ASIC2: variants seen among roughly 807,000 people sequenced by gnomAD.
The protein encoded by ASIC2 is acid-sensing ion channel 2.
In ASIC2, 25 loss-of-function variants were observed where a neutral mutation model predicts 57.3. That is an observed-to-expected ratio of 0.44 (90% CI 0.32 to 0.61). The LOEUF (loss-of-function observed/expected upper bound fraction) is 0.61. Ranked by LOEUF, ASIC2 falls within the 20% of genes least tolerant of loss-of-function variation. The probability of loss-of-function intolerance (pLI) is 0.06; values close to 1 mark genes in which losing one functional copy is unlikely to be tolerated. For missense variants in ASIC2, 641 were observed against 738.1 expected (o/e 0.87, Z 1.52); for synonymous variants, 319 against 307.5 (o/e 1.04, Z -0.39).
At chr17:33,965,967 C>G (rs116283185) in intron 1 of ASIC2, among the ~76,000 whole-genome samples, 364 of 152,308 alleles carry the variant, frequency 2.4e-3, no homozygotes, top group African/African-American at 8.1e-3. Flanking sequence ...CCTATGCTCT[C>G]CTCCTCCTCT....
intron 1 of ASIC2, among the ~76,000 whole-genome samples, chr17:33,326,222 G>C (rs539124146): frequency 6.6e-6 from 1 of 152,262 alleles, no homozygotes; most frequent in South Asian, 2.1e-4. Context: ...AACCCTATGA[G>C]GTAAACAGAG....
chr17:34,045,613 TC>T (rs1161860642), intron 1 of ASIC2, among the ~76,000 whole-genome samples: 2 of 152,184 alleles, frequency 1.3e-5, no homozygotes, highest in African/African-American at 4.8e-5. Context: ...TGCATGGACT[TC>T]TGTTTAGTCT....
chr17:33,419,845 A>C (rs552881763), intron 1 of ASIC2, among the ~76,000 whole-genome samples: 1 of 152,334 alleles, frequency 6.6e-6, no homozygotes, highest in South Asian at 2.1e-4. Flanking sequence ...CGTGTTGATG[A>C]AACTATCTTT....
At chr17:33,325,487 C>T (rs1443790432) in intron 1 of ASIC2, among the ~76,000 whole-genome samples, 5 of 152,098 alleles carry the variant, frequency 3.3e-5, no homozygotes, top group African/African-American at 1.2e-4. Context: ...GAAGGCCTGA[C>T]TGGCTGAAGG....
rs201422408 is a variant in ASIC2 at position 33,067,139 on chromosome 17, TC to T, written c.987+21723del. Among the ~76,000 whole-genome samples the T allele has an allele frequency of 7.2e-3, 901 of 124,668 alleles. 9 individuals carry two copies. The highest frequency in any genetic ancestry group is 0.022 in the African/African-American group (850 of 39,222). 81.8% of individuals were successfully genotyped at this position (124,668 alleles called of 152,430 possible). ...ACAATTCTAATGGCCAAAATAGAGTTCTTGCAGATAAATAATGGGGCCAACT... is the reference window on the plus strand; with the variant it reads ...ACAATTCTAATGGCCAAAATAGAGTTTTGCAGATAAATAATGGGGCCAACT... On this transcript the variant is annotated intron_variant, in intron 3 of 9. Transcript: ENST00000225823.
At chr17:33,610,675 G>A (rs2142015335) in intron 1 of ASIC2, among the ~76,000 whole-genome samples, 1 of 151,428 alleles carries the variant, frequency 6.6e-6, no homozygotes, top group South Asian at 2.1e-4. Context: ...ACCAGCCTGG[G>A]CAACAAAAAG....
intron 1 of ASIC2, among the ~76,000 whole-genome samples, chr17:33,646,352 G>C (rs2142036555): frequency 6.6e-6 from 1 of 152,296 alleles, no homozygotes; most frequent in East Asian, 1.9e-4. Flanking sequence ...CCTTATTTGA[G>C]GGAAGGAAGA....
intron 1 of ASIC2, among the ~76,000 whole-genome samples, chr17:33,532,796 G>A (rs555439216): frequency 9.8e-5 from 15 of 152,314 alleles, no homozygotes; most frequent in African/African-American, 3.6e-4. Flanking sequence ...ATCGATACAA[G>A]TCTGCAGAGA....
intron 1 of ASIC2, among the ~76,000 whole-genome samples, chr17:33,128,510 C>A (rs114036925): frequency 6.6e-6 from 1 of 152,144 alleles, no homozygotes; most frequent in Non-Finnish European, 1.5e-5. Flanking sequence ...CCACACCCAC[C>A]GATCACACCC....
chr17:33,181,129 G>A (rs1905967436), intron 1 of ASIC2, among the ~76,000 whole-genome samples: 1 of 152,154 alleles, frequency 6.6e-6, no homozygotes, highest in South Asian at 2.1e-4. Context: ...TAGTCAAAAT[G>A]TCAGGCAGCT....
At chr17:33,695,587 C>T (rs1567691222) in intron 1 of ASIC2, among the ~76,000 whole-genome samples, 1 of 152,216 alleles carries the variant, frequency 6.6e-6, no homozygotes, top group Non-Finnish European at 1.5e-5. Context: ...CAGAAGGTCC[C>T]ATTTCCTGGG....
chr17:34,060,152 A>G (rs1908920019), intron 1 of ASIC2, among the ~76,000 whole-genome samples: 1 of 152,190 alleles, frequency 6.6e-6, no homozygotes. Context: ...AGACCCATAG[A>G]TGGTTCACAT....
intron 1 of ASIC2, among the ~76,000 whole-genome samples, chr17:33,399,957 C>T (rs144940458): frequency 6.6e-6 from 1 of 152,258 alleles, no homozygotes; most frequent in Non-Finnish European, 1.5e-5. Flanking sequence ...AGTTAACTTC[C>T]CAAGAAATTT....
chr17:33,391,516 G>A (rs1034485682), intron 1 of ASIC2, among the ~76,000 whole-genome samples: 27 of 152,192 alleles, frequency 1.8e-4, no homozygotes, highest in Non-Finnish European at 3.4e-4. Context: ...CAATATCCCA[G>A]AGACTCAGTT....
At position 33,455,782 on chromosome 17, in the gene ASIC2, C is replaced by T. The variant is rs575665280; in HGVS notation, c.556-343715G>A. 3.9e-4 allele frequency among the ~76,000 whole-genome samples: 59 copies of T among 152,260 alleles called. 1 individual carries two copies. Among genetic ancestry groups the T allele is most frequent in the Admixed American group, 2.2e-3 (33 of 15,300 alleles). On this transcript the variant is annotated intron_variant, in intron 1 of 9. Coordinates refer to the ASIC2 transcript ENST00000359872. ...TTACATCTCAAAAGCCCCAGATAGCCGGGAATATCTGAAGGACTGACTAGA... is the reference window on the plus strand; with the variant it reads ...TTACATCTCAAAAGCCCCAGATAGCTGGGAATATCTGAAGGACTGACTAGA...
intron 1 of ASIC2, among the ~76,000 whole-genome samples, chr17:33,196,026 CG>C (rs1906612074): frequency 6.6e-6 from 1 of 152,100 alleles, no homozygotes; most frequent in Admixed American, 6.5e-5. Flanking sequence ...TGCTGTGTGC[CG>C]GATACCCCGC....
chr17:33,842,791 A>C (rs1242639102), intron 1 of ASIC2, among the ~76,000 whole-genome samples: 1 of 152,154 alleles, frequency 6.6e-6, no homozygotes, highest in Admixed American at 6.5e-5. Context: ...CATTCAGAGG[A>C]GAAGAAGGAT....
intron 1 of ASIC2, among the ~76,000 whole-genome samples, chr17:33,535,964 T>C (rs4794957): frequency 0.63 from 96,261 of 152,006 alleles, 31,393 homozygotes; most frequent in African/African-American, 0.8. Context: ...GCCAGCCTTA[T>C]CCTGACTAAT....
intron 1 of ASIC2, among the ~76,000 whole-genome samples, chr17:33,282,249 G>T (rs1904980842): frequency 6.6e-6 from 1 of 152,172 alleles, no homozygotes; most frequent in Non-Finnish European, 1.5e-5. Context: ...AGTTCTGGAG[G>T]TCAGAAGTCT....
Sources: gnomAD v4.1 joint callset for allele counts (sites outside exome capture counted in the v4.1 genomes callset) on GRCh38, gnomAD v4.1.1 for gene constraint, MANE v1.5 for transcripts, NCBI Gene and HGNC (gene_info 2026-07-23, HGNC 2026-07-21) for gene names.